Variants in IMMT observed in about 807,000 individuals in gnomAD.
The protein encoded by IMMT is inner membrane mitochondrial protein.
In IMMT, 40 loss-of-function variants were observed where a neutral mutation model predicts 92.7. That is an observed-to-expected ratio of 0.43 (90% confidence interval 0.34 to 0.56). The LOEUF (loss-of-function observed/expected upper bound fraction) is 0.56, where lower values mean the gene tolerates loss of function less well. IMMT is among the 20% of genes least tolerant of loss of function. The pLI, the probability that IMMT is intolerant of heterozygous loss-of-function variation, is 0.03. For synonymous variants in IMMT, 322 were observed against 336.1 expected, an observed-to-expected ratio of 0.96 and a Z score of 0.46; for missense variants, 831 against 912.1, an observed-to-expected ratio of 0.91 and a Z score of 1.14.
intron 1 of IMMT, among the ~76,000 whole-genome samples, chr2:86,193,464 G>C (rs142411990): frequency 5.9e-5 from 9 of 151,924 alleles, no homozygotes; most frequent in African/African-American, 1.7e-4. Context: ...TGACAAGTGA[G>C]ATATTCTGGA....
At position 86,148,544 on chromosome 2, in the gene IMMT, A is replaced by G. The variant is rs545997380; in HGVS notation, c.1402-711T>C. On this transcript the variant is annotated intron_variant, in intron 12 of 14. Coordinates refer to ENST00000410111, the MANE Select transcript of IMMT (RefSeq NM_006839.3). ...GGAGAATGGCGTGAACCGAGGAGGCAGAGCTTGCCGTGAGCCAAGATTGCG... is the reference window on the plus strand; with the variant it reads ...GGAGAATGGCGTGAACCGAGGAGGCGGAGCTTGCCGTGAGCCAAGATTGCG... Among the ~76,000 whole-genome samples, 92 of 152,280 alleles carry G rather than the reference A, an allele frequency of 6.0e-4. 1 individual carries two copies. Among genetic ancestry groups the G allele is most frequent in the Non-Finnish European group, 1.0e-3 (68 of 68,008 alleles).
At chr2:86,191,406 G>A (rs1673108868) in intron 1 of IMMT, among the ~76,000 whole-genome samples, 1 of 151,776 alleles carries the variant, frequency 6.6e-6, no homozygotes, top group South Asian at 2.1e-4. Flanking sequence ...TCAGTTGAGG[G>A]CTCAAAAACA....
intron 6 of IMMT, 35 bp from the exon 7 acceptor site, chr2:86,166,679 C>G (rs1022834803): frequency 7.7e-6 from 12 of 1,555,240 alleles, no homozygotes; most frequent in Non-Finnish European, 5.2e-6. Context: ...AAAAACAAAT[C>G]CTACCCCCAT....
chr2:86,192,816 A>G (rs1424415284), intron 1 of IMMT, among the ~76,000 whole-genome samples: 1 of 152,088 alleles, frequency 6.6e-6, no homozygotes, highest in Admixed American at 6.5e-5. Context: ...AACCTGTGAG[A>G]AGAGTTCAGG....
intron 9 of IMMT, 66 bp from the exon 10 acceptor site, chr2:86,158,787 G>A (rs775281836): frequency 1.2e-4 from 148 of 1,282,152 alleles, no homozygotes; most frequent in Non-Finnish European, 1.6e-4. Flanking sequence ...CCAAGAAACA[G>A]AAGTAGTATT....
Position 86,144,002 on chromosome 2 carries a change from ATTATTT to A in IMMT, c.*260_*265del. 1 of 531,284 alleles carries A rather than the reference ATTATTT, an allele frequency of 1.9e-6. No individual in the cohort carries two copies. Among genetic ancestry groups the A allele is most frequent in the Non-Finnish European group, 3.4e-6 (1 of 295,866 alleles). 32.9% of individuals were successfully genotyped at this position (531,284 alleles called of 1,614,324 possible). A position where few individuals can be genotyped will look rare whatever the true frequency, so the allele number is the denominator to read the frequency against. On this transcript the variant is annotated 3_prime_UTR_variant, in exon 15 of 15. Transcript: ENST00000410111. Reference sequence around the variant, plus strand: ...ATCAACAGTAGTAGAGATCACAAACATTATTTTGATTGGCCTCACAAGCCTCATCAG... The same window carrying A: ...ATCAACAGTAGTAGAGATCACAAACATGATTGGCCTCACAAGCCTCATCAG...
At position 86,163,848 on chromosome 2, in the gene IMMT, A is replaced by C. The variant is rs193168376; in HGVS notation, c.793-1769T>G. 3.4e-3 allele frequency among the ~76,000 whole-genome samples: 502 copies of C among 149,684 alleles called. 2 individuals carry two copies. Among genetic ancestry groups the C allele is most frequent in the Admixed American group, 6.0e-3 (90 of 14,906 alleles). ...GTGATGGGCGCCTGTAATCCCAGCT[A>C]CTCTGGAGGCTGAGGTAGGAGAATC... is the stretch of plus-strand genomic sequence containing the variant. On this transcript the variant is annotated intron_variant, in intron 7 of 14. Transcript: ENST00000410111.
chr2:86,176,244 C>T (rs1387988736), intron 3 of IMMT, among the ~76,000 whole-genome samples: 1 of 152,224 alleles, frequency 6.6e-6, no homozygotes, highest in Non-Finnish European at 1.5e-5. Flanking sequence ...CTAGTTTTTA[C>T]ATCCTGTGGT....
intron 10 of IMMT, among the ~76,000 whole-genome samples, chr2:86,156,123 G>C (rs762516959): frequency 6.6e-6 from 1 of 152,144 alleles, no homozygotes; most frequent in Non-Finnish European, 1.5e-5. Flanking sequence ...GTTCTCTGCT[G>C]TAAGGGGGCT....
At chr2:86,163,841 C>T (rs1676455097) in intron 7 of IMMT, among the ~76,000 whole-genome samples, 1 of 150,598 alleles carries the variant, frequency 6.6e-6, no homozygotes, top group South Asian at 2.1e-4. Context: ...CGCCTGTAAT[C>T]CCAGCTACTC....
At chr2:86,188,462 C>T (rs1039393979) in intron 1 of IMMT, among the ~76,000 whole-genome samples, 1 of 152,132 alleles carries the variant, frequency 6.6e-6, no homozygotes, top group East Asian at 1.9e-4. Flanking sequence ...CTCACTCTGT[C>T]ACCGAGACTG....
intron 7 of IMMT, among the ~76,000 whole-genome samples, chr2:86,164,843 TACCCTGTA>T (rs1050048533): frequency 6.6e-6 from 1 of 152,124 alleles, no homozygotes; most frequent in African/African-American, 2.4e-5. Flanking sequence ...AAGGAAAACC[TACCCTGTA>T]ACAGACACAG....
At chr2:86,162,718 C>G (rs1314464421) in intron 7 of IMMT, among the ~76,000 whole-genome samples, 2 of 152,126 alleles carry the variant, frequency 1.3e-5, no homozygotes, top group Non-Finnish European at 2.9e-5. Context: ...GTGGCGGGTG[C>G]CTGTAATCCC....
intron 7 of IMMT, among the ~76,000 whole-genome samples, chr2:86,164,205 G>C (rs1209427626): frequency 6.6e-6 from 1 of 150,764 alleles, no homozygotes; most frequent in African/African-American, 2.4e-5. Context: ...TTACAGGCAT[G>C]GGCCACCATG....
At chr2:86,166,195 G>A (rs910678463) in intron 7 of IMMT, among the ~76,000 whole-genome samples, 2 of 152,150 alleles carry the variant, frequency 1.3e-5, no homozygotes, top group African/African-American at 2.4e-5. Flanking sequence ...GCCGGGTATG[G>A]TGGCGGGAGC....
intron 8 of IMMT, 115 bp downstream of exon 8, chr2:86,161,861 G>A: frequency 1.4e-6 from 1 of 702,658 alleles, no homozygotes; most frequent in East Asian, 3.0e-5. Flanking sequence ...GTGGAAAAGT[G>A]AGAGAAGGGT....
In IMMT at chr2:86,144,990, G is replaced by A. The variant is rs1573867592; in HGVS notation, c.1664-109C>T. 5 of 1,302,238 alleles carry A rather than the reference G, an allele frequency of 3.8e-6. No individual in the cohort carries two copies. The East Asian group carries it at 1.2e-4, about 31-fold the overall frequency. 80.7% of individuals were successfully genotyped at this position (1,302,238 alleles called of 1,614,324 possible). ...CTACATCTACACATGTGCAAGATGA[G>A]GCCAGAGAGACTTTCTTACAACCCC... On this transcript the variant is annotated intron_variant, in intron 14 of 14. Transcript: ENST00000410111.
At chr2:86,178,295 G>GT (rs1418567030) in intron 3 of IMMT, among the ~76,000 whole-genome samples, 1 of 130,274 alleles carries the variant, frequency 7.7e-6, no homozygotes, top group Non-Finnish European at 1.6e-5. Flanking sequence ...TCCAGCCTGC[G>GT]TGACACAGCA....
At chr2:86,169,794 G>A (rs1676961021) in intron 6 of IMMT, among the ~76,000 whole-genome samples, 1 of 148,942 alleles carries the variant, frequency 6.7e-6, no homozygotes, top group South Asian at 2.1e-4. Flanking sequence ...GCTCATGCCT[G>A]TAATCCCAGC....
Sources: allele counts gnomAD v4.1 joint callset (sites outside exome capture counted in the v4.1 genomes callset), GRCh38; gene constraint gnomAD v4.1.1; transcripts MANE v1.5; gene names NCBI Gene and HGNC (gene_info 2026-07-23, HGNC 2026-07-21).